PADI1: variants seen among roughly 807,000 people sequenced by gnomAD.
PADI1 encodes the protein protein-arginine deiminase type-1.
PADI1 carries 65 observed loss-of-function variants against 74.8 expected under a neutral mutation model. The observed-to-expected ratio is 0.87, with a 90% CI of 0.71 to 1.07. The LOEUF is 1.07. PADI1 is among the 50% of genes least tolerant of loss of function. The pLI is 0.00. For synonymous variants in PADI1, 371 were observed against 336.2 expected, an observed-to-expected ratio of 1.10 and a Z score of -1.13; for missense variants, 943 against 854.0, an observed-to-expected ratio of 1.10 and a Z score of -1.30.
At chr1:17,233,843 T>C (rs2072565792) in intron 11 of PADI1, among the ~76,000 whole-genome samples, 2 of 152,218 alleles carry the variant, frequency 1.3e-5, no homozygotes, top group Admixed American at 1.3e-4. Flanking sequence ...CTCAGAGCTC[T>C]GGATCGGATG....
intron 1 of PADI1, among the ~76,000 whole-genome samples, chr1:17,206,484 T>C (rs971799718): frequency 3.3e-5 from 5 of 152,166 alleles, no homozygotes; most frequent in Admixed American, 1.3e-4. Flanking sequence ...CTCTCGGGTC[T>C]AGGTGGCCAG....
At chr1:17,209,899 G>A (rs899395818) in intron 1 of PADI1, among the ~76,000 whole-genome samples, 7 of 152,002 alleles carry the variant, frequency 4.6e-5, no homozygotes, top group Non-Finnish European at 8.8e-5. Flanking sequence ...TGCCCAGGCT[G>A]GAGTGCAGTG....
Position 17,230,595 on chromosome 1 carries a change from C to T in PADI1, c.1077C>T (p.Ile359=), listed in dbSNP as rs773567996. The change falls in exon 10 of 16, where the codon ATC becomes ATT. Residue 359 remains isoleucine, a synonymous_variant. Transcript: ENST00000375471. ...AGGACGAGATGGAGTTTGGCTACAT[C>T]GAGGCCCCTCACAAATCCTTCCCCG... is the stretch of plus-strand genomic sequence containing the variant. ...WIQDEMEFGY[I]EAPHKSFPVV... The T allele has an allele frequency of 5.5e-5, 89 of 1,611,262 alleles. No homozygotes were observed. Among genetic ancestry groups the T allele is most frequent in the East Asian group, 4.2e-4 (19 of 44,842 alleles).
intron 4 of PADI1, among the ~76,000 whole-genome samples, chr1:17,224,972 GC>G (rs2072267751): frequency 6.6e-6 from 1 of 152,168 alleles, no homozygotes; most frequent in Admixed American, 6.5e-5. Flanking sequence ...GGATCACAAA[GC>G]TTTGAGGACA....
At chr1:17,238,562 C>T (rs1206793291) in intron 12 of PADI1, 54 bp from the exon 13 acceptor site, 2 of 1,010,086 alleles carry the variant, frequency 2.0e-6, no homozygotes, top group African/African-American at 1.7e-5. Context: ...TCTGGGGTCT[C>T]CTGTGTCTAA....
chr1:17,222,573 C>A, intron 2 of PADI1, 103 bp downstream of exon 2: 1 of 858,184 alleles, frequency 1.2e-6, no homozygotes, highest in Non-Finnish European at 1.9e-6. Flanking sequence ...CCCACTTAAC[C>A]AAACCTCACA....
rs1328311718 is a variant in PADI1 at position 17,225,842 on chromosome 1, G to C, written c.440G>C (p.Gly147Ala). 1 of 1,614,100 alleles carries C rather than the reference G, an allele frequency of 6.2e-7. No individual in the cohort carries two copies. The highest frequency in any genetic ancestry group is 2.2e-5 in the East Asian group (1 of 44,864). The change falls in exon 5 of 16, where the codon GGG becomes GCG. Residue 147 changes from glycine to alanine, a missense_variant. By Grantham distance (60) the Gly-to-Ala change is moderately conservative. Coordinates refer to ENST00000375471, the MANE Select transcript of PADI1 (RefSeq NM_013358.3). ...TGGCGCTGGGGCCCTGAGGGCTATGGGGCTATCTTGCTGGTGAACTGTGAC... is the reference window on the plus strand; with the variant it reads ...TGGCGCTGGGGCCCTGAGGGCTATGCGGCTATCTTGCTGGTGAACTGTGAC... Reference protein sequence around the residue: ...KTWRWGPEGYGAILLVNCDRD... With the variant: ...KTWRWGPEGYAAILLVNCDRD...
In PADI1 at chr1:17,237,325, G is replaced by A. The variant is rs773496232; in HGVS notation, c.1325G>A (p.Arg442Gln). 22 of 1,609,126 alleles carry A rather than the reference G, an allele frequency of 1.4e-5. No individual in the cohort carries two copies. The South Asian group carries it at 1.5e-4, about 11-fold the overall frequency. Residue 442 changes from arginine to glutamine, a missense_variant, in exon 12 of 16, where the codon CGG (arginine) becomes CAG (glutamine). By Grantham distance (43) the Arg-to-Gln change is conservative (BLOSUM62 1). Coordinates refer to ENST00000375471, the MANE Select transcript of PADI1 (RefSeq NM_013358.3). ...IGSSFPKSGGRQMARAVRNFL... is the reference protein window; with the variant it reads ...IGSSFPKSGGQQMARAVRNFL... Reference sequence around the variant, plus strand: ...TCCCTCCTGGCCAGGTCCGGTGGGCGGCAGATGGCCAGGGCAGTGCGGAAC... The same window carrying A: ...TCCCTCCTGGCCAGGTCCGGTGGGCAGCAGATGGCCAGGGCAGTGCGGAAC...
At chr1:17,217,066 G>A (rs573794031) in intron 1 of PADI1, among the ~76,000 whole-genome samples, 44 of 148,010 alleles carry the variant, frequency 3.0e-4, no homozygotes, top group African/African-American at 1.0e-3. Context: ...GGGGAGGAGA[G>A]GAGGAGAGGG....
chr1:17,244,666 A>C lies in PADI1; in HGVS notation c.*423A>C, dbSNP rs571736916. On this transcript the variant is annotated 3_prime_UTR_variant, in exon 16 of 16. Coordinates refer to ENST00000375471, the MANE Select transcript of PADI1 (RefSeq NM_013358.3). ...GGACCTGGGGTCTGGTGTGCCAGGC[A>C]CCAGGCTGCCTCTGCTCTTGGAAAA... The C allele has an allele frequency of 2.1e-4, 75 of 354,818 alleles. No individual in the cohort carries two copies. Among genetic ancestry groups the C allele is most frequent in the African/African-American group, 1.5e-3 (69 of 46,810 alleles). The allele number at this position is 354,818 out of a possible 1,614,324, so 22.0% of individuals were successfully genotyped here. A position where few individuals can be genotyped will look rare whatever the true frequency, so the allele number is the denominator to read the frequency against.
chr1:17,213,329 C>A (rs1351621404), intron 1 of PADI1, among the ~76,000 whole-genome samples: 1 of 152,216 alleles, frequency 6.6e-6, no homozygotes, highest in Non-Finnish European at 1.5e-5. Context: ...TTTCACCAGA[C>A]CCCTGCAACT....
intron 1 of PADI1, among the ~76,000 whole-genome samples, chr1:17,207,151 A>G (rs1324852802): frequency 6.6e-6 from 1 of 152,158 alleles, no homozygotes; most frequent in Non-Finnish European, 1.5e-5. Flanking sequence ...CTGGCTCTAC[A>G]CTGTGCTGCT....
rs747045477 is a variant in PADI1, at chr1:17,240,736, C to A, written c.1734C>A (p.Tyr578Ter). The A allele has an allele frequency of 6.8e-6, 11 of 1,613,952 alleles. No individual in the cohort carries two copies. Among genetic ancestry groups the A allele is most frequent in the Non-Finnish European group, 8.5e-6 (10 of 1,179,940 alleles). The change falls in exon 15 of 16, where the codon TAC becomes TAA. Residue 578 changes from tyrosine (Y) to a stop codon, truncating the protein, a stop_gained. Coordinates refer to ENST00000375471, the MANE Select transcript of PADI1 (RefSeq NM_013358.3). LOFTEE classifies it high-confidence loss of function. ...IPQLFFLKNF[Y>*]AEAFFPDMVN... ...AGCTCTTCTTCCTGAAAAACTTCTA[C>A]GCGGAAGCCTTCTTCCCAGACATGG...
At chr1:17,234,637 C>T (rs2072583856) in intron 11 of PADI1, among the ~76,000 whole-genome samples, 2 of 152,194 alleles carry the variant, frequency 1.3e-5, no homozygotes, top group African/African-American at 2.4e-5. Flanking sequence ...AGTTAAGTTA[C>T]GTGCATTCTT....
chr1:17,209,485 G>A (rs1263026021), intron 1 of PADI1, among the ~76,000 whole-genome samples: 2 of 152,106 alleles, frequency 1.3e-5, no homozygotes, highest in Non-Finnish European at 2.9e-5. Flanking sequence ...ACATCACGAA[G>A]GGCCTCAGAG....
At chr1:17,238,048 T>C (rs963708795) in intron 12 of PADI1, among the ~76,000 whole-genome samples, 5 of 152,156 alleles carry the variant, frequency 3.3e-5, no homozygotes, top group African/African-American at 1.2e-4. Context: ...TTTGTTTGTT[T>C]TTTGTTTGTT....
Position 17,229,032 on chromosome 1 carries a change from G to A in PADI1, c.910G>A (p.Glu304Lys), listed in dbSNP as rs1273458404. 3.2e-6 allele frequency: 5 copies of A among 1,572,464 alleles called. No homozygotes were observed. The highest frequency in any genetic ancestry group is 4.3e-6 in the Non-Finnish European group (5 of 1,157,298). Residue 304 changes from glutamate to lysine, a missense_variant, in exon 8 of 16, where the codon GAG (glutamate) becomes AAG (lysine). By Grantham distance (56) the Glu-to-Lys change is moderately conservative (BLOSUM62 1). Transcript: ENST00000375471. ...WIMTPNTQPP[E>K]ELYVCRVMDT... The stretch of plus-strand genomic sequence containing the variant: ...CATGACGCCCAACACTCAGCCTCCT[G>A]AGGAGCTGTATGTGTGCAGGTGAGG...
chr1:17,219,195 G>T (rs1232945742), intron 1 of PADI1, among the ~76,000 whole-genome samples: 1 of 152,046 alleles, frequency 6.6e-6, no homozygotes, highest in Non-Finnish European at 1.5e-5. Context: ...GGGAGGGAAG[G>T]ATGAGCAAAA....
At chr1:17,235,277 AGGAAGGAAGGAAGGAG>A (rs1425452437) in intron 11 of PADI1, among the ~76,000 whole-genome samples, 126 of 100,068 alleles carry the variant, frequency 1.3e-3, no homozygotes, top group South Asian at 2.1e-3. Flanking sequence ...GAAGGAAGGA[AGGAAGGAAGGAAGGAG>A]GGAAGGAAGG....
Sources: gnomAD v4.1 joint callset for allele counts (sites outside exome capture counted in the v4.1 genomes callset) on GRCh38, gnomAD v4.1.1 for gene constraint, MANE v1.5 for transcripts, NCBI Gene and HGNC (gene_info 2026-07-23, HGNC 2026-07-21) for gene names.